INPP4B: variants seen among roughly 807,000 people sequenced by gnomAD.
INPP4B encodes inositol polyphosphate 4-phosphatase type II.
Under a neutral mutation model 122.5 loss-of-function variants are expected in INPP4B, and 55 were observed. The ratio of observed to expected loss-of-function variants is 0.45; its 90% CI spans 0.36 to 0.56. INPP4B has a LOEUF of 0.56. INPP4B is among the 20% of genes least tolerant of loss of function. The pLI is 0.00. For missense variants in INPP4B, 1,000 were observed against 1,097.7 expected, an observed-to-expected ratio of 0.91 and a Z score of 1.26; for synonymous variants, 403 against 388.7, an observed-to-expected ratio of 1.04 and a Z score of -0.43.
At chr4:142,746,193 C>A (rs1768715711) in intron 1 of INPP4B, among the ~76,000 whole-genome samples, 1 of 151,398 alleles carries the variant, frequency 6.6e-6, no homozygotes, top group Non-Finnish European at 1.5e-5. Flanking sequence ...ATACACTAAC[C>A]AGAAAATAAA....
chr4:142,178,554 C>T (rs72720413), intron 15 of INPP4B, among the ~76,000 whole-genome samples: 1,612 of 152,186 alleles, frequency 0.011, 15 homozygotes, highest in Non-Finnish European at 0.017. Context: ...CACTCCATTG[C>T]TACCTCCACT....
chr4:142,450,137 T>C (rs1813820569), intron 3 of INPP4B, among the ~76,000 whole-genome samples: 1 of 152,166 alleles, frequency 6.6e-6, no homozygotes, highest in Non-Finnish European at 1.5e-5. Flanking sequence ...CTCCCTTTCA[T>C]CTTTGCTCTC....
chr4:142,192,967 C>T (rs1836636886), intron 15 of INPP4B, 120 bp downstream of exon 15: 1 of 581,558 alleles, frequency 1.7e-6, no homozygotes, highest in African/African-American at 1.8e-5. Flanking sequence ...CTCTATGTTA[C>T]TAAATAGGTT....
chr4:142,209,476 T>C (rs1260734690), intron 12 of INPP4B, among the ~76,000 whole-genome samples: 6 of 151,958 alleles, frequency 3.9e-5, no homozygotes, highest in Admixed American at 3.3e-4. Flanking sequence ...ATATATAATA[T>C]AGTTACAAAT....
intron 2 of INPP4B, among the ~76,000 whole-genome samples, chr4:142,591,988 G>A (rs1737601894): frequency 6.6e-6 from 1 of 152,142 alleles, no homozygotes; most frequent in Non-Finnish European, 1.5e-5. Flanking sequence ...AAATCTGAAT[G>A]AAGTATGAGC....
At position 142,108,556 on chromosome 4, in the gene INPP4B, A is replaced by G. The variant is rs537015491; in HGVS notation, c.2277-366T>C. Among the ~76,000 whole-genome samples, 5 of 152,252 alleles carry G rather than the reference A, an allele frequency of 3.3e-5. No homozygotes were observed. In the South Asian group the frequency reaches 8.3e-4, roughly 25 times the overall value. The stretch of plus-strand genomic sequence containing the variant: ...TGTGTTTTAAAAAACTTTTCTTACT[A>G]TCTATCCAACCATCCATTTCACTCG... On this transcript the variant is annotated intron_variant, in intron 22 of 25. Transcript: ENST00000262992.
chr4:142,050,700 G>A (rs1754077382), intron 25 of INPP4B, among the ~76,000 whole-genome samples: 1 of 152,040 alleles, frequency 6.6e-6, no homozygotes, highest in Admixed American at 6.6e-5. Context: ...AAATAGGGAT[G>A]ATAAATTTGT....
chr4:142,247,337 T>C (rs900223031), intron 11 of INPP4B, among the ~76,000 whole-genome samples: 1 of 152,204 alleles, frequency 6.6e-6, no homozygotes, highest in Non-Finnish European at 1.5e-5. Context: ...GTCCTCTTTT[T>C]CTATTGTTTG....
At chr4:142,676,617 A>AGCAT (rs1316118128) in intron 2 of INPP4B, among the ~76,000 whole-genome samples, 16 of 152,188 alleles carry the variant, frequency 1.1e-4, no homozygotes, top group African/African-American at 3.9e-4. Context: ...TAACAAAAAC[A>AGCAT]GCATGGTACT....
At chr4:142,107,980 C>A in intron 23 of INPP4B, 113 bp downstream of exon 23, 1 of 602,046 alleles carries the variant, frequency 1.7e-6, no homozygotes, top group Non-Finnish European at 2.9e-6. Context: ...TTCAAAATCA[C>A]TCTCACATCC....
chr4:142,765,506 C>T (rs1771977872), intron 1 of INPP4B, among the ~76,000 whole-genome samples: 1 of 152,152 alleles, frequency 6.6e-6, no homozygotes, highest in Non-Finnish European at 1.5e-5. Context: ...AATCAGTAGA[C>T]AGGTGGAAGG....
chr4:142,845,821 G>T lies in INPP4B; in HGVS notation c.-254+388C>A, dbSNP rs189197190. 8.8e-3 allele frequency among the ~76,000 whole-genome samples: 1,346 copies of T among 152,200 alleles called. 16 individuals are homozygous for T. The highest frequency in any genetic ancestry group is 0.013 in the Non-Finnish European group (902 of 68,006). On this transcript the variant is annotated intron_variant, in intron 1 of 25. Coordinates refer to ENST00000262992, the MANE Select transcript of INPP4B (RefSeq NM_001101669.3). ...CGGGCCAACCTCAGCGTCTCTCAGG[G>T]ACAGCGCAGGTGGGCGCAGCCTTGG...
At chr4:142,557,969 A>G (rs1729588801) in intron 2 of INPP4B, among the ~76,000 whole-genome samples, 1 of 152,124 alleles carries the variant, frequency 6.6e-6, no homozygotes, top group Non-Finnish European at 1.5e-5. Context: ...CCTGTTTCTA[A>G]ACTCTGTTTT....
chr4:142,808,160 CCAA>C (rs1446728148), intron 1 of INPP4B, among the ~76,000 whole-genome samples: 2 of 152,064 alleles, frequency 1.3e-5, no homozygotes, highest in Non-Finnish European at 2.9e-5. Context: ...CATCCATCCA[CCAA>C]CTAGATTCTT....
At chr4:142,180,510 T>G (rs942419067) in intron 15 of INPP4B, among the ~76,000 whole-genome samples, 25 of 152,164 alleles carry the variant, frequency 1.6e-4, no homozygotes, top group African/African-American at 5.8e-4. Flanking sequence ...GGGCCTAGCA[T>G]TACGTTAAAT....
At chr4:142,560,909 C>G (rs914136356) in intron 2 of INPP4B, among the ~76,000 whole-genome samples, 3 of 152,178 alleles carry the variant, frequency 2.0e-5, no homozygotes, top group Non-Finnish European at 4.4e-5. Context: ...TCAATATTAA[C>G]CATCACAACT....
In INPP4B at chr4:142,665,834, C is replaced by A. The variant is rs190794873; in HGVS notation, c.-191+60005G>T. Reference sequence around the variant, plus strand: ...TGTGTGTACAGTAGTCCCCTCTTGTCCATGAGGGCTATGTTCTAAGACCCC... The same window carrying A: ...TGTGTGTACAGTAGTCCCCTCTTGTACATGAGGGCTATGTTCTAAGACCCC... On this transcript the variant is annotated intron_variant, in intron 2 of 25. Transcript: ENST00000262992. Among the ~76,000 whole-genome samples, 23 of 152,186 alleles carry A rather than the reference C, an allele frequency of 1.5e-4. No homozygotes were observed. The East Asian group carries it at 4.1e-3, about 27-fold the overall frequency.
At chr4:142,308,879 T>C (rs1206724365) in intron 8 of INPP4B, among the ~76,000 whole-genome samples, 3 of 152,144 alleles carry the variant, frequency 2.0e-5, no homozygotes, top group Non-Finnish European at 2.9e-5. Flanking sequence ...AAATCAGTTA[T>C]TCTGTCCAAA....
intron 2 of INPP4B, among the ~76,000 whole-genome samples, chr4:142,507,315 A>G (rs1028797183): frequency 6.6e-6 from 1 of 152,176 alleles, no homozygotes; most frequent in East Asian, 1.9e-4. Context: ...CATGGAATAA[A>G]TTGATTGTTG....
Sources: allele counts gnomAD v4.1 joint callset (sites outside exome capture counted in the v4.1 genomes callset), GRCh38; gene constraint gnomAD v4.1.1; transcripts MANE v1.5; gene names NCBI Gene and HGNC (gene_info 2026-07-23, HGNC 2026-07-21).